The following NMU variants were observed in gnomAD, a reference collection of about 807,000 sequenced individuals.
NMU encodes the protein neuromedin-U.
NMU carries 29 observed loss-of-function variants against 35.4 expected under a neutral mutation model. That is an observed-to-expected ratio of 0.82 (90% CI 0.61 to 1.12). The LOEUF (loss-of-function observed/expected upper bound fraction) is 1.12, where lower values mean the gene tolerates loss of function less well. NMU is among the 50% of genes most tolerant of loss of function. The pLI is 0.00. For missense variants in NMU, 199 were observed against 206.2 expected, an observed-to-expected ratio of 0.97 and a Z score of 0.21; for synonymous variants, 78 against 81.3, an observed-to-expected ratio of 0.96 and a Z score of 0.22.
chr4:55,629,858 A>C (rs759921974), intron 2 of NMU, among the ~76,000 whole-genome samples: 18 of 152,062 alleles, frequency 1.2e-4, no homozygotes, highest in Non-Finnish European at 1.8e-4. Context: ...TTGTTAAATA[A>C]ATTTTAAGGT....
At chr4:55,635,879 C>T (rs1715885628) in intron 1 of NMU, among the ~76,000 whole-genome samples, 1 of 152,246 alleles carries the variant, frequency 6.6e-6, no homozygotes. Context: ...CGGCCCTGGC[C>T]GGGCCCCTTG....
chr4:55,607,205 T>C lies in NMU; in HGVS notation c.360+93A>G, dbSNP rs974986436. ...CATATAAACTTTTAAAGTAAAAAAT[T>C]TGAATTCTGATCTAGCTCTATTATG... On this transcript the variant is annotated intron_variant, in intron 6 of 9. Transcript: ENST00000264218. The C allele has an allele frequency of 1.2e-4, 101 of 856,790 alleles. 1 individual carries two copies. The highest frequency in any genetic ancestry group is 6.2e-5 in the Non-Finnish European group (32 of 520,264). The allele number at this position is 856,790 out of a possible 1,614,324, so 53.1% of individuals were successfully genotyped here.
At chr4:55,609,295 C>A in intron 3 of NMU, 116 bp from the exon 4 acceptor site, 1 of 775,264 alleles carries the variant, frequency 1.3e-6, no homozygotes, top group South Asian at 1.5e-5. Context: ...GGAAAAGAAT[C>A]CTTCTGTAGA....
rs146945172 is a variant in NMU, at chr4:55,605,277, C to T, written c.433G>A (p.Asp145Asn). Reference sequence around the variant, plus strand: ...AGCATGCAGTTTGTATTACATACGTCCACTCTGAATCTCTTCATTCTTCTC... The same window carrying T: ...AGCATGCAGTTTGTATTACATACGTTCACTCTGAATCTCTTCATTCTTCTC... ...HERRMKRFRV[D>N]EEFQSPFASQ... Residue 145 changes from aspartate to asparagine, a missense_variant and splice_region_variant, in exon 7 of 10, where the codon GAC becomes AAC. Transcript: ENST00000264218. The T allele has an allele frequency of 3.4e-5, 54 of 1,608,166 alleles. No individual in the cohort carries two copies. The highest frequency in any genetic ancestry group is 4.3e-5 in the Non-Finnish European group (51 of 1,174,652).
intron 9 of NMU, among the ~76,000 whole-genome samples, chr4:55,597,393 T>A (rs1733230551): frequency 6.6e-6 from 1 of 151,896 alleles, no homozygotes; most frequent in African/African-American, 2.4e-5. Flanking sequence ...AGTTTCCTTT[T>A]TTTTTGCTCT....
At chr4:55,609,739 G>A (rs371595567) in intron 3 of NMU, among the ~76,000 whole-genome samples, 75 of 152,288 alleles carry the variant, frequency 4.9e-4, no homozygotes, top group African/African-American at 1.7e-3. Flanking sequence ...CAAAGCATTC[G>A]AGCACAGAAG....
Position 55,616,388 on chromosome 4 carries a change from G to GT in NMU, c.172-4dup, listed in dbSNP as rs1413845241. 1 of 1,609,432 alleles carries GT rather than the reference G, an allele frequency of 6.2e-7. No individual in the cohort carries two copies. Among genetic ancestry groups the GT allele is most frequent in the Admixed American group, 1.7e-5 (1 of 59,994 alleles). Reference sequence around the variant, plus strand: ...AAAGACGAACAAGTATCATCTATCTGTAGAAAACAAAAATGTCAGTTACAT... The same window carrying GT: ...AAAGACGAACAAGTATCATCTATCTGTTAGAAAACAAAAATGTCAGTTACAT... On this transcript the variant is annotated splice_region_variant and splice_polypyrimidine_tract_variant and intron_variant, in intron 2 of 9. Coordinates refer to ENST00000264218, the MANE Select transcript of NMU (RefSeq NM_006681.4).
chr4:55,602,755 C>T lies in NMU; in HGVS notation c.436-2180G>A, dbSNP rs143057429. ...ATTCTAAAATTTTAAGGGGCTACTGCCTAAGATCTTACATTTCTCTTTACA... is the reference window on the plus strand; with the variant it reads ...ATTCTAAAATTTTAAGGGGCTACTGTCTAAGATCTTACATTTCTCTTTACA... On this transcript the variant is annotated intron_variant, in intron 7 of 9. Coordinates refer to ENST00000264218, the MANE Select transcript of NMU (RefSeq NM_006681.4). Among the ~76,000 whole-genome samples the T allele has an allele frequency of 2.9e-3, 449 of 152,282 alleles. 2 individuals are homozygous for T. Among genetic ancestry groups the T allele is most frequent in the African/African-American group, 0.011 (443 of 41,558 alleles).
At chr4:55,605,203 A>C in intron 7 of NMU, 72 bp downstream of exon 7, 4 of 970,238 alleles carry the variant, frequency 4.1e-6, no homozygotes, top group Non-Finnish European at 6.8e-6. Context: ...ATGAACTACC[A>C]CAGCTGGGAA....
chr4:55,596,287 T>C (rs939355160), intron 9 of NMU, among the ~76,000 whole-genome samples: 1 of 150,320 alleles, frequency 6.7e-6, no homozygotes, highest in African/African-American at 2.4e-5. Flanking sequence ...TAAAATGAAA[T>C]CACGAGTACA....
At chr4:55,607,489 A>G (rs1240647236) in intron 4 of NMU, 23 bp from the exon 5 acceptor site, 1 of 786,558 alleles carries the variant, frequency 1.3e-6, no homozygotes, top group Middle Eastern at 3.8e-4. Flanking sequence ...GATATTGTAT[A>G]TATCATTATA....
At chr4:55,597,821 T>C (rs1169875451) in intron 9 of NMU, among the ~76,000 whole-genome samples, 1 of 152,186 alleles carries the variant, frequency 6.6e-6, no homozygotes, top group Non-Finnish European at 1.5e-5. Context: ...TGTAGAGAGA[T>C]GTGCAAAGTA....
rs535760495 is a variant in NMU at position 55,601,891 on chromosome 4, G to C, written c.436-1316C>G. ...TGGACCCAGCTCCTCAGGCTCCTCA[G>C]GAGGCTGAGGTGGGAGGATTGCCTG... On this transcript the variant is annotated intron_variant, in intron 7 of 9. Transcript: ENST00000264218. Among the ~76,000 whole-genome samples the C allele has an allele frequency of 6.6e-3, 1,008 of 152,128 alleles. 12 individuals are homozygous for C. Among genetic ancestry groups the C allele is most frequent in the African/African-American group, 0.023 (958 of 41,502 alleles).
chr4:55,619,889 C>A (rs1370195072), intron 2 of NMU, among the ~76,000 whole-genome samples: 6 of 127,858 alleles, frequency 4.7e-5, no homozygotes, highest in African/African-American at 1.6e-4. Flanking sequence ...TGGGAGGCAC[C>A]CCCCAGCAGG....
In NMU at chr4:55,607,813, T is replaced by A. The variant is rs1016370154; in HGVS notation, c.280-347A>T. Among the ~76,000 whole-genome samples, 3 of 152,208 alleles carry A rather than the reference T, an allele frequency of 2.0e-5. No homozygotes were observed. The East Asian group carries it at 5.8e-4, about 29-fold the overall frequency. ...AGAGGAGAAGACTGAAAGAATCACATGCAAATATTTTTACTGTTTATCACT... is the reference window on the plus strand; with the variant it reads ...AGAGGAGAAGACTGAAAGAATCACAAGCAAATATTTTTACTGTTTATCACT... On this transcript the variant is annotated intron_variant, in intron 4 of 9. Coordinates refer to ENST00000264218, the MANE Select transcript of NMU (RefSeq NM_006681.4).
chr4:55,631,068 T>G (rs867574169), intron 1 of NMU, among the ~76,000 whole-genome samples: 9 of 151,952 alleles, frequency 5.9e-5, no homozygotes, highest in African/African-American at 1.9e-4. Context: ...TACAAAAACA[T>G]AAATTGGAGA....
At chr4:55,599,470 T>C (rs1319129957) in intron 8 of NMU, among the ~76,000 whole-genome samples, 1 of 152,124 alleles carries the variant, frequency 6.6e-6, no homozygotes, top group South Asian at 2.1e-4. Context: ...GTACCAACAT[T>C]TTAAAACAAA....
intron 6 of NMU, 54 bp from the exon 7 acceptor site, chr4:55,605,403 C>CATCA: frequency 8.1e-7 from 1 of 1,229,220 alleles, no homozygotes; most frequent in South Asian, 1.2e-5. Flanking sequence ...CAGCAGTGGC[C>CATCA]ATCAAGACGG....
rs1418558165 is a variant in NMU at position 55,600,625 on chromosome 4, T to C, written c.436-50A>G. On this transcript the variant is annotated intron_variant, in intron 7 of 9. Transcript: ENST00000264218. ...CAAATCACATAACACTAAAAATAAG[T>C]GCAAATTCTCCTTGAAAGTATATTG... The C allele has an allele frequency of 5.3e-6, 7 of 1,315,198 alleles. No homozygotes were observed. The African/African-American group carries it at 8.8e-5, about 16-fold the overall frequency. 81.5% of individuals were successfully genotyped at this position (1,315,198 alleles called of 1,614,324 possible). A position where few individuals can be genotyped will look rare whatever the true frequency, so the allele number is the denominator to read the frequency against.
Sources: allele counts gnomAD v4.1 joint callset (sites outside exome capture counted in the v4.1 genomes callset), GRCh38; gene constraint gnomAD v4.1.1; transcripts MANE v1.5; gene names NCBI Gene and HGNC (gene_info 2026-07-23, HGNC 2026-07-21).